LIN54: variants seen among roughly 807,000 people sequenced by gnomAD.
LIN54 encodes lin-54 DREAM MuvB core complex component.
In LIN54, 9 loss-of-function variants were observed where a neutral mutation model predicts 78.7. The ratio of observed to expected loss-of-function variants is 0.11; its 90% CI spans 0.07 to 0.20. The LOEUF (loss-of-function observed/expected upper bound fraction) is 0.20. Ranked by LOEUF, LIN54 falls within the 10% of genes least tolerant of loss-of-function variation. LIN54 has a pLI of 1.00. For synonymous variants in LIN54, 269 were observed against 318.4 expected (o/e 0.84, Z 1.65); for missense variants, 573 against 889.9 (o/e 0.64, Z 4.53).
chr4:82,983,206 A>C (rs1453584251), intron 2 of LIN54, among the ~76,000 whole-genome samples: 1 of 151,900 alleles, frequency 6.6e-6, no homozygotes, highest in African/African-American at 2.4e-5. Context: ...ATGAGGTTTC[A>C]CCATGTTGGG....
rs1160325747 is a variant in LIN54 at position 82,998,699 on chromosome 4, T to G, written c.-33+11785A>C. On this transcript the variant is annotated intron_variant, in intron 1 of 12. Coordinates refer to ENST00000340417, the MANE Select transcript of LIN54 (RefSeq NM_194282.4). Reference sequence around the variant, plus strand: ...AGTTGATCTTTGAACAGGGTCCACTTACACGCATTTTTTTTCCATAAATAT... The same window carrying G: ...AGTTGATCTTTGAACAGGGTCCACTGACACGCATTTTTTTTCCATAAATAT... 2.0e-5 allele frequency among the ~76,000 whole-genome samples: 3 copies of G among 152,068 alleles called. No individual in the cohort carries two copies. The East Asian group carries it at 5.8e-4, about 29-fold the overall frequency.
At chr4:82,938,099 C>G (rs1578494602) in intron 8 of LIN54, among the ~76,000 whole-genome samples, 1 of 152,096 alleles carries the variant, frequency 6.6e-6, no homozygotes, top group African/African-American at 2.4e-5. Context: ...GCACTCCAGC[C>G]TGGGCAACAG....
In LIN54 at chr4:82,991,279, TTAAG is replaced by T. The variant is rs530764951; in HGVS notation, c.-32-6407_-32-6404del. Among the ~76,000 whole-genome samples, 58 of 152,340 alleles carry T rather than the reference TTAAG, an allele frequency of 3.8e-4. 1 individual carries two copies. The South Asian group carries it at 0.011, about 28-fold the overall frequency. On this transcript the variant is annotated intron_variant, in intron 1 of 12. Coordinates refer to ENST00000340417, the MANE Select transcript of LIN54 (RefSeq NM_194282.4). ...TATACATATTTTGTTAAATTTATCC[TTAAG>T]TATTTCATGTTTTTTGATGCTGTTA...
At chr4:83,012,003 C>A (rs1390434033), upstream of LIN54, 1 of 984,474 alleles carries the variant, frequency 1.0e-6, no homozygotes, top group East Asian at 1.1e-4. Flanking sequence ...TTGAAAAAGT[C>A]ATTTCATTTC....
At chr4:82,941,779 G>A (rs1560726542) in intron 5 of LIN54, among the ~76,000 whole-genome samples, 1 of 152,148 alleles carries the variant, frequency 6.6e-6, no homozygotes, top group African/African-American at 2.4e-5. Flanking sequence ...GTAAGTCACT[G>A]CAGAGCTTTC....
intron 8 of LIN54, 48 bp from the exon 9 acceptor site, chr4:82,937,346 TA>T: frequency 4.2e-6 from 5 of 1,192,992 alleles, no homozygotes; most frequent in Non-Finnish European, 5.8e-6. Context: ...TAATAGTAAC[TA>T]AAATTAATTT....
In LIN54 at chr4:83,008,448, A is replaced by C. The variant is rs552244238; in HGVS notation, c.-33+2036T>G. On this transcript the variant is annotated intron_variant, in intron 1 of 12. Coordinates refer to ENST00000340417, the MANE Select transcript of LIN54 (RefSeq NM_194282.4). ...GGTGGATCACGAGGTCAGGAGATGG[A>C]GACCTTCCTGGCTAACATGGTGAAA... is the stretch of plus-strand genomic sequence containing the variant. Among the ~76,000 whole-genome samples the C allele has an allele frequency of 2.0e-5, 3 of 152,312 alleles. No individual in the cohort carries two copies. The South Asian group carries it at 6.2e-4, about 32-fold the overall frequency.
intron 12 of LIN54, among the ~76,000 whole-genome samples, chr4:82,928,617 C>A (rs1721681419): frequency 6.6e-6 from 1 of 152,172 alleles, no homozygotes; most frequent in Non-Finnish European, 1.5e-5. Context: ...TAACTAAAAT[C>A]CTCCTAAATC....
At chr4:83,009,644 A>G (rs888240302) in intron 1 of LIN54, among the ~76,000 whole-genome samples, 2 of 152,196 alleles carry the variant, frequency 1.3e-5, no homozygotes, top group Non-Finnish European at 2.9e-5. Flanking sequence ...CTCTCTAAAC[A>G]AAGGGCTAGG....
At chr4:82,974,093 C>G (rs1339211138) in intron 3 of LIN54, among the ~76,000 whole-genome samples, 4 of 151,914 alleles carry the variant, frequency 2.6e-5, no homozygotes, top group African/African-American at 9.7e-5. Context: ...ACCTGTAGTC[C>G]CAGCTACTTG....
rs192841834 is a variant in LIN54, at chr4:82,955,100, G to A, written c.952-8626C>T. 3.5e-3 allele frequency among the ~76,000 whole-genome samples: 528 copies of A among 152,250 alleles called. 1 individual carries two copies. Among genetic ancestry groups the A allele is most frequent in the Non-Finnish European group, 5.6e-3 (382 of 68,016 alleles). On this transcript the variant is annotated intron_variant, in intron 4 of 12. Transcript: ENST00000340417. ...TTAAAAGAATGAACAGGCCGGGTAC[G>A]GTGGCTCACGCCTGTAATCCTAGCA...
intron 9 of LIN54, among the ~76,000 whole-genome samples, chr4:82,936,975 C>T (rs1430306997): frequency 6.6e-6 from 1 of 152,180 alleles, no homozygotes; most frequent in South Asian, 2.1e-4. Flanking sequence ...GAAGCTATGT[C>T]TGTCTCATGC....
At chr4:82,956,107 G>A (rs1461601808) in intron 4 of LIN54, among the ~76,000 whole-genome samples, 6 of 151,908 alleles carry the variant, frequency 3.9e-5, no homozygotes, top group East Asian at 3.9e-4. Flanking sequence ...GCTACCACGC[G>A]CGGCTAAATT....
chr4:82,956,997 ACAAT>A (rs1724389825), intron 4 of LIN54, among the ~76,000 whole-genome samples: 1 of 152,252 alleles, frequency 6.6e-6, no homozygotes, highest in South Asian at 2.1e-4. Flanking sequence ...TTTGGGTAAC[ACAAT>A]CAATAGAACC....
intron 1 of LIN54, among the ~76,000 whole-genome samples, chr4:82,988,034 C>T (rs537515969): frequency 6.6e-6 from 1 of 152,296 alleles, no homozygotes; most frequent in Non-Finnish European, 1.5e-5. Flanking sequence ...ACAGCCTTGC[C>T]AGCATCTATT....
chr4:83,006,447 T>C (rs1200879288), intron 1 of LIN54, among the ~76,000 whole-genome samples: 2 of 118,978 alleles, frequency 1.7e-5, no homozygotes, highest in African/African-American at 6.8e-5. Flanking sequence ...AGACTCCGTC[T>C]CAAAAAAAAA....
At position 82,924,647 on chromosome 4, in the gene LIN54, C is replaced by G. The variant is rs1721330527; in HGVS notation, c.*3455G>C. The G allele has an allele frequency of 1.3e-5, 2 of 151,828 alleles. No individual in the cohort carries two copies. The highest frequency in any genetic ancestry group is 2.9e-5 in the Non-Finnish European group (2 of 67,990). 9.4% of individuals were successfully genotyped at this position (151,828 alleles called of 1,614,324 possible). ...TTTTTAATTAAAAAAAACCTTATAG[C>G]TTTCAACTCATAAAATCACATGGAT... is the stretch of plus-strand genomic sequence containing the variant. On this transcript the variant is annotated 3_prime_UTR_variant, in exon 13 of 13. Transcript: ENST00000340417.
intron 4 of LIN54, among the ~76,000 whole-genome samples, chr4:82,962,665 A>C (rs978470621): frequency 3.9e-5 from 6 of 151,948 alleles, no homozygotes; most frequent in African/African-American, 1.4e-4. Context: ...CCAAATGAAA[A>C]TGCTAGAAAT....
chr4:82,982,395 A>AT (rs1446852748), intron 2 of LIN54, among the ~76,000 whole-genome samples: 2 of 151,980 alleles, frequency 1.3e-5, no homozygotes, highest in African/African-American at 4.8e-5. Context: ...TGCTGGGCTA[A>AT]TTTTTTGTAT....
Sources: gnomAD v4.1 joint callset for allele counts (sites outside exome capture counted in the v4.1 genomes callset) on GRCh38, gnomAD v4.1.1 for gene constraint, MANE v1.5 for transcripts, NCBI Gene and HGNC (gene_info 2026-07-23, HGNC 2026-07-21) for gene names.